GPC5: variants seen among roughly 807,000 people sequenced by gnomAD.
GPC5 encodes the protein glypican 5.
A neutral mutation model predicts 53.9 loss-of-function variants in GPC5; 47 were observed. The observed-to-expected ratio is 0.87, with a 90% CI of 0.69 to 1.11. The LOEUF is 1.11. Among genes scored for constraint, GPC5 ranks in the 50% most tolerant of loss-of-function variants. GPC5 has a pLI of 0.00. For synonymous variants in GPC5, 286 were observed against 263.3 expected (o/e 1.09, Z -0.84); for missense variants, 748 against 713.1 (o/e 1.05, Z -0.56).
At chr13:91,520,439 T>C (rs1047726487) in intron 2 of GPC5, among the ~76,000 whole-genome samples, 11 of 152,136 alleles carry the variant, frequency 7.2e-5, no homozygotes, top group Admixed American at 2.0e-4. Flanking sequence ...CACTTCATAA[T>C]TTGGGTGGGC....
chr13:92,382,398 G>A (rs1046762641), intron 7 of GPC5, among the ~76,000 whole-genome samples: 4 of 152,006 alleles, frequency 2.6e-5, no homozygotes, highest in East Asian at 1.9e-4. Flanking sequence ...GCCTGGTTTC[G>A]CATCTGTTCT....
At position 92,372,874 on chromosome 13, in the gene GPC5, T is replaced by C. The variant is rs142936144; in HGVS notation, c.1561+227885T>C. Among the ~76,000 whole-genome samples, 281 of 152,320 alleles carry C rather than the reference T, an allele frequency of 1.8e-3. 2 individuals carry two copies. Among genetic ancestry groups the C allele is most frequent in the African/African-American group, 6.2e-3 (258 of 41,578 alleles). On this transcript the variant is annotated intron_variant, in intron 7 of 7. Transcript: ENST00000377067. ...CCATGAACATTTTCAGTTACTATTT[T>C]TGTGCCTGTATTATGTTATAGAACA...
chr13:91,728,476 T>C (rs2036623025), intron 3 of GPC5, 56 bp from the exon 4 acceptor site: 1 of 1,546,492 alleles, frequency 6.5e-7, no homozygotes. Flanking sequence ...AACATCACAT[T>C]CTCAGAAAGG....
At chr13:92,355,134 T>C (rs989840581) in intron 7 of GPC5, among the ~76,000 whole-genome samples, 2 of 151,812 alleles carry the variant, frequency 1.3e-5, no homozygotes, top group African/African-American at 4.8e-5. Context: ...TATGTATACA[T>C]AGATGTATAT....
At chr13:92,131,750 T>G (rs2041745407) in intron 6 of GPC5, among the ~76,000 whole-genome samples, 1 of 152,022 alleles carries the variant, frequency 6.6e-6, no homozygotes, top group African/African-American at 2.4e-5. Context: ...GATGATTTTT[T>G]TTATCTAAGT....
chr13:92,031,777 A>G (rs187434517), intron 6 of GPC5, among the ~76,000 whole-genome samples: 2,374 of 98,068 alleles, frequency 0.024, 449 homozygotes, highest in African/African-American at 0.11. Flanking sequence ...TATATAATAT[A>G]TAATATATTA....
chr13:92,013,081 T>C (rs955371425), intron 6 of GPC5, among the ~76,000 whole-genome samples: 1 of 152,226 alleles, frequency 6.6e-6, no homozygotes, highest in Non-Finnish European at 1.5e-5. Context: ...ATCAGCTCAG[T>C]TGGCCCCTTG....
chr13:91,742,104 A>G (rs1335182629), intron 4 of GPC5, among the ~76,000 whole-genome samples: 2 of 152,186 alleles, frequency 1.3e-5, no homozygotes, highest in East Asian at 3.8e-4. Context: ...AGGCCAGAGC[A>G]GGTATGGAGG....
intron 2 of GPC5, among the ~76,000 whole-genome samples, chr13:91,466,763 G>A (rs1292337493): frequency 6.6e-6 from 1 of 152,082 alleles, no homozygotes; most frequent in Non-Finnish European, 1.5e-5. Flanking sequence ...ATCAACATGA[G>A]TCTTGCAAGA....
At chr13:91,761,404 G>A (rs1165252712) in intron 5 of GPC5, among the ~76,000 whole-genome samples, 3 of 151,982 alleles carry the variant, frequency 2.0e-5, no homozygotes, top group Non-Finnish European at 4.4e-5. Context: ...AAAACCAGAT[G>A]AGTGTCCTCC....
chr13:91,538,599 T>C (rs1468967193), intron 2 of GPC5, among the ~76,000 whole-genome samples: 1 of 151,114 alleles, frequency 6.6e-6, no homozygotes, highest in East Asian at 1.9e-4. Flanking sequence ...TTTTTTTTTT[T>C]TGAGATGGCG....
At chr13:92,455,207 C>A (rs1487512072) in intron 7 of GPC5, among the ~76,000 whole-genome samples, 16 of 152,116 alleles carry the variant, frequency 1.1e-4, no homozygotes, top group Admixed American at 1.0e-3. Flanking sequence ...TTAGAAACTT[C>A]ATTAGTTTCA....
intron 5 of GPC5, among the ~76,000 whole-genome samples, chr13:91,901,951 G>GA (rs1387579020): frequency 6.6e-6 from 1 of 151,908 alleles, no homozygotes; most frequent in East Asian, 1.9e-4. Flanking sequence ...TTTAACCCCC[G>GA]ATAGAAATAG....
At chr13:91,496,484 G>T (rs554982662) in intron 2 of GPC5, among the ~76,000 whole-genome samples, 2 of 152,210 alleles carry the variant, frequency 1.3e-5, no homozygotes, top group Admixed American at 1.3e-4. Flanking sequence ...GCAGCAACAT[G>T]AATGGAACTG....
At chr13:92,527,979 T>C (rs1277595986) in intron 7 of GPC5, among the ~76,000 whole-genome samples, 1 of 152,152 alleles carries the variant, frequency 6.6e-6, no homozygotes, top group Non-Finnish European at 1.5e-5. Context: ...ACTATTCCAA[T>C]GTTGATTCAT....
intron 7 of GPC5, among the ~76,000 whole-genome samples, chr13:92,428,781 C>G (rs934203328): frequency 2.0e-5 from 3 of 152,158 alleles, no homozygotes; most frequent in Admixed American, 2.0e-4. Context: ...TCTGTAGAGC[C>G]AACCATTACT....
intron 7 of GPC5, among the ~76,000 whole-genome samples, chr13:92,694,155 TG>T: frequency 6.6e-6 from 1 of 152,244 alleles, no homozygotes; most frequent in East Asian, 1.9e-4. Flanking sequence ...AAAGGATGTA[TG>T]GAAATGCCTG....
intron 2 of GPC5, among the ~76,000 whole-genome samples, chr13:91,476,785 C>T (rs915783213): frequency 6.6e-6 from 1 of 152,096 alleles, no homozygotes; most frequent in Non-Finnish European, 1.5e-5. Flanking sequence ...CAGGATGGGC[C>T]TCACTAAGCA....
rs139543455 is a variant in GPC5 at position 91,997,252 on chromosome 13, G to A, written c.1401+89195G>A. Among the ~76,000 whole-genome samples, 130 of 152,196 alleles carry A rather than the reference G, an allele frequency of 8.5e-4. 1 individual carries two copies. Among genetic ancestry groups the A allele is most frequent in the African/African-American group, 3.0e-3 (123 of 41,528 alleles). On this transcript the variant is annotated intron_variant, in intron 6 of 7. Coordinates refer to ENST00000377067, the MANE Select transcript of GPC5 (RefSeq NM_004466.6). ...TCAATTTATCTATGATACTGGATGA[G>A]GAGTGATATCTTATTTTAAACATAA... is the stretch of plus-strand genomic sequence containing the variant.
Sources: allele counts gnomAD v4.1 joint callset (sites outside exome capture counted in the v4.1 genomes callset), GRCh38; gene constraint gnomAD v4.1.1; transcripts MANE v1.5; gene names NCBI Gene and HGNC (gene_info 2026-07-23, HGNC 2026-07-21).